ABCC10: variants seen among roughly 807,000 people sequenced by gnomAD.
The protein encoded by ABCC10 is ATP-binding cassette sub-family C member 10.
Under a neutral mutation model 143.2 loss-of-function variants are expected in ABCC10, and 110 were observed. The ratio of observed to expected loss-of-function variants is 0.77; its 90% CI spans 0.66 to 0.90. ABCC10 has a LOEUF of 0.90. Ranked by LOEUF, ABCC10 falls within the 40% of genes least tolerant of loss-of-function variation. The pLI is 0.00. For synonymous variants in ABCC10, 805 were observed against 846.7 expected, an observed-to-expected ratio of 0.95 and a Z score of 0.85; for missense variants, 1,700 against 1,900.5, an observed-to-expected ratio of 0.89 and a Z score of 1.96.
At chr6:43,450,436 T>A, downstream of ABCC10, 1 of 1,295,250 alleles carries the variant, frequency 7.7e-7, no homozygotes, top group South Asian at 1.6e-5. The surrounding 1 kb of genome is among the most constrained non-coding windows in gnomAD (Gnocchi z 4.5). Flanking sequence ...GAGGCTGAGG[T>A]CTCCTCTGTG....
chr6:43,446,461 C>G lies in ABCC10; in HGVS notation c.3544+15C>G, dbSNP rs374965455. The stretch of plus-strand genomic sequence containing the variant: ...CGCTAACCCAGGTGCCACCCAGGAC[C>G]CCTCACCCCTACCTCATCCACAAGT... On this transcript the variant is annotated intron_variant, in intron 16 of 21. Coordinates refer to ENST00000372530, the MANE Select transcript of ABCC10 (RefSeq NM_001198934.2). 1 of 1,605,154 alleles carries G rather than the reference C, an allele frequency of 6.2e-7. No individual in the cohort carries two copies. Among genetic ancestry groups the G allele is most frequent in the Non-Finnish European group, 8.5e-7 (1 of 1,176,192 alleles).
chr6:43,438,780 CAAT>C lies in ABCC10; in HGVS notation c.2113_2115del (p.Asn705del). On this transcript the variant is annotated inframe_deletion, in exon 8 of 22. Transcript: ENST00000372530. The stretch of plus-strand genomic sequence containing the variant: ...AGGAGGTGCTAGAAGCCTGCGCCCT[CAAT>C]GATGACCTCAGTGTGAGTGCCTGGC... The C allele has an allele frequency of 6.2e-7, 1 of 1,614,196 alleles. No individual in the cohort carries two copies. Among genetic ancestry groups the C allele is most frequent in the Non-Finnish European group, 8.5e-7 (1 of 1,180,016 alleles).
rs142810162 is a variant in ABCC10, at chr6:43,450,079, C to A, written c.4467C>A (p.Leu1489=). 1.9e-6 allele frequency: 3 copies of A among 1,601,662 alleles called. No homozygotes were observed. The highest frequency in any genetic ancestry group is 1.7e-5 in the Admixed American group (1 of 59,432). The change falls in exon 22 of 22, where the codon CTC becomes CTA. Residue 1489 remains leucine, a synonymous_variant. Coordinates refer to ENST00000372530, the MANE Select transcript of ABCC10 (RefSeq NM_001198934.2). This position sits in a 1 kb window ranked among gnomAD's most constrained non-coding sequence, Gnocchi z 4.5. ...GCCAGCAGGGAGTCCCTGCCTCACT[C>A]GGAGGTCCCTGAGCCCAATCCCACA... is the stretch of plus-strand genomic sequence containing the variant. ...QSSQQGVPAS[L]GGP
intron 7 of ABCC10, 200 bp downstream of exon 7, chr6:43,438,213 T>A: frequency 2.2e-6 from 2 of 913,576 alleles, no homozygotes; most frequent in East Asian, 2.7e-5. Flanking sequence ...CAGAGTGTTT[T>A]AAATGCTATA....
chr6:43,437,397 T>G (rs1202584934), intron 6 of ABCC10, among the ~76,000 whole-genome samples: 1 of 148,454 alleles, frequency 6.7e-6, no homozygotes, highest in African/African-American at 2.6e-5. Flanking sequence ...TTTTTATATT[T>G]TTTTGAGCAG....
intron 7 of ABCC10, 51 bp downstream of exon 7, chr6:43,438,064 C>T: frequency 6.4e-7 from 1 of 1,563,356 alleles, no homozygotes; most frequent in Non-Finnish European, 8.7e-7. Context: ...TTAGCAAACA[C>T]TGAGCCCCTC....
chr6:43,447,585 C>T, intron 17 of ABCC10, 99 bp from the exon 18 acceptor site: 5 of 1,571,126 alleles, frequency 3.2e-6, no homozygotes, highest in Non-Finnish European at 4.3e-6. Context: ...TCATTCCTCT[C>T]ACACTGTCCA....
At position 43,438,611 on chromosome 6, in the gene ABCC10, T is replaced by G. The variant is rs1162842229; in HGVS notation, c.1956-13T>G. The G allele has an allele frequency of 6.2e-7, 1 of 1,612,968 alleles. No individual in the cohort carries two copies. Among genetic ancestry groups the G allele is most frequent in the Non-Finnish European group, 8.5e-7 (1 of 1,179,746 alleles). ...AGAGCTGGTCCTCATATTGCTCGCC[T>G]GGCTCTCTGCAGGCTGCGTGGGCAT... On this transcript the variant is annotated splice_polypyrimidine_tract_variant and intron_variant, in intron 7 of 21. Coordinates refer to ENST00000372530, the MANE Select transcript of ABCC10 (RefSeq NM_001198934.2).
chr6:43,449,638 G>GC lies in ABCC10; in HGVS notation c.4316+111dup, dbSNP rs141267810. The GC allele has an allele frequency of 2.7e-3, 2,632 of 962,134 alleles. 24 individuals are homozygous for GC. The East Asian group carries it at 0.027, about 10-fold the overall frequency. 59.6% of individuals were successfully genotyped at this position (962,134 alleles called of 1,614,324 possible). A position where few individuals can be genotyped will look rare whatever the true frequency, so the allele number is the denominator to read the frequency against. ...CAGTGGTCAGGGCCTTAGAGATCCT[G>GC]CCCCCCCAGATCTCAGCTCCTCCTT... On this transcript the variant is annotated intron_variant, in intron 21 of 21. Coordinates refer to ENST00000372530, the MANE Select transcript of ABCC10 (RefSeq NM_001198934.2).
At chr6:43,428,277 A>G in intron 2 of ABCC10, 138 bp downstream of exon 2, 2 of 1,037,556 alleles carry the variant, frequency 1.9e-6, no homozygotes, top group Non-Finnish European at 2.7e-6. Flanking sequence ...AAGCATTGCT[A>G]CTTAGCAGCA....
At chr6:43,439,922 T>C (rs1782180797) in intron 8 of ABCC10, among the ~76,000 whole-genome samples, 1 of 151,086 alleles carries the variant, frequency 6.6e-6, no homozygotes, top group Non-Finnish European at 1.5e-5. Context: ...GTAAGATATC[T>C]TGGGCAGATT....
rs772901325 is a variant in ABCC10, at chr6:43,445,753, C to G, written c.3185C>G (p.Ser1062Cys). The G allele has an allele frequency of 5.0e-6, 8 of 1,614,134 alleles. No homozygotes were observed. The Admixed American group carries it at 1.3e-4, about 27-fold the overall frequency. The change falls in exon 15 of 22, where the codon TCT becomes TGT. Residue 1062 changes from serine (S) to cysteine (C), a missense_variant. Ser to Cys is a moderately radical substitution (Grantham distance 112, BLOSUM62 -1). Coordinates refer to ENST00000372530, the MANE Select transcript of ABCC10 (RefSeq NM_001198934.2). ...CTGGGGCTCCTGGCCGTGCTGGGCT[C>G]TGGCCTGCCCTGGCTGCTGCTCCTG... is the stretch of plus-strand genomic sequence containing the variant. Reference protein sequence around the residue: ...GLLGLLAVLGSGLPWLLLLLP... With the variant: ...GLLGLLAVLGCGLPWLLLLLP...
At chr6:43,446,656 G>T in intron 16 of ABCC10, 1 of 985,304 alleles carries the variant, frequency 1.0e-6, no homozygotes, top group Non-Finnish European at 1.2e-6. Context: ...TTGGGGACTA[G>T]AATGAGTCTT....
chr6:43,448,861 T>C lies in ABCC10; in HGVS notation c.3960-20T>C. 6.3e-7 allele frequency: 1 copy of C among 1,599,358 alleles called. No homozygotes were observed. Among genetic ancestry groups the C allele is most frequent in the Non-Finnish European group, 8.5e-7 (1 of 1,173,004 alleles). ...GTGGCTACATCTCCAACCACTAGACTCCATGTCATTGTCCCCCAGATCCCA... is the reference window on the plus strand; with the variant it reads ...GTGGCTACATCTCCAACCACTAGACCCCATGTCATTGTCCCCCAGATCCCA... On this transcript the variant is annotated intron_variant, in intron 18 of 21. Coordinates refer to ENST00000372530, the MANE Select transcript of ABCC10 (RefSeq NM_001198934.2).
rs1783193937 is a variant in ABCC10, at chr6:43,447,243, C to T, written c.3545-5C>T. 1.9e-6 allele frequency: 3 copies of T among 1,612,608 alleles called. No homozygotes were observed. The highest frequency in any genetic ancestry group is 2.5e-6 in the Non-Finnish European group (3 of 1,179,556). ...CTCCCAGCAGCTGGTACTTCTCTCC[C>T]CCAGGGCTGGTGGGCTTGTCGCTGT... is the stretch of plus-strand genomic sequence containing the variant. On this transcript the variant is annotated splice_region_variant and splice_polypyrimidine_tract_variant and intron_variant, in intron 16 of 21. Transcript: ENST00000372530.
chr6:43,449,911 C>T lies in ABCC10; in HGVS notation c.4317-18C>T. On this transcript the variant is annotated intron_variant, in intron 21 of 21. Coordinates refer to ENST00000372530, the MANE Select transcript of ABCC10 (RefSeq NM_001198934.2). ...CATTGTCCCTCATCCCCTACACTGA[C>T]CATCTTCCCCCTCACAGGCTCAACA... The T allele has an allele frequency of 6.2e-7, 1 of 1,613,842 alleles. No individual in the cohort carries two copies. Among genetic ancestry groups the T allele is most frequent in the Non-Finnish European group, 8.5e-7 (1 of 1,179,928 alleles).
At chr6:43,427,941 A>G (rs779424095) in intron 1 of ABCC10, 27 bp from the exon 2 acceptor site, 11 of 1,611,156 alleles carry the variant, frequency 6.8e-6, no homozygotes, top group Admixed American at 3.3e-5. Flanking sequence ...TACCCTGCAC[A>G]GCCGTCACCC....
chr6:43,428,083 C>G lies in ABCC10; in HGVS notation c.105C>G (p.Ser35Arg). 6.4e-7 allele frequency: 1 copy of G among 1,566,396 alleles called. No individual in the cohort carries two copies. The highest frequency in any genetic ancestry group is 8.6e-7 in the Non-Finnish European group (1 of 1,157,192). The change falls in exon 2 of 22, where the codon AGC (serine) becomes AGG (arginine). Residue 35 changes from serine to arginine, a missense_variant. By Grantham distance (110) the Ser-to-Arg change is moderately radical. Transcript: ENST00000372530. The stretch of plus-strand genomic sequence containing the variant: ...ACTGCTTCACCCAGCTGGTGCTCAG[C>G]GCCCTGCCCCACGCGCTCCTCGCCG... ...TGHCFTQLVLSALPHALLAVL... is the reference protein window; with the variant it reads ...TGHCFTQLVLRALPHALLAVL...
chr6:43,437,516 C>T (rs907229130), intron 6 of ABCC10, among the ~76,000 whole-genome samples: 1 of 151,058 alleles, frequency 6.6e-6, no homozygotes, highest in South Asian at 2.1e-4. Context: ...CTGCTTTTTC[C>T]CCTGAGATAT....
Sources: gnomAD v4.1 joint callset for allele counts (sites outside exome capture counted in the v4.1 genomes callset) on GRCh38, gnomAD v4.1.1 for gene constraint, Gnocchi (gnomAD v3.1) non-coding constraint, MANE v1.5 for transcripts, NCBI Gene and HGNC (gene_info 2026-07-23, HGNC 2026-07-21) for gene names.